Variants in LYPLAL1 observed in about 807,000 individuals in gnomAD.
LYPLAL1 encodes the protein lysophospholipase-like protein 1.
LYPLAL1 carries 23 observed loss-of-function variants against 19.7 expected under a neutral mutation model. The ratio of observed to expected loss-of-function variants is 1.17; its 90% CI spans 0.84 to 1.65. The LOEUF is 1.65. Among genes scored for constraint, LYPLAL1 ranks in the 40% most tolerant of loss-of-function variants. LYPLAL1 has a pLI of 0.00. For synonymous variants in LYPLAL1, 119 were observed against 96.3 expected, an observed-to-expected ratio of 1.24 and a Z score of -1.38; for missense variants, 355 against 279.4, an observed-to-expected ratio of 1.27 and a Z score of -1.93.
the LYPLAL1 span, among the ~76,000 whole-genome samples, chr1:219,395,036 TA>T: frequency 1.3e-5 from 2 of 152,248 alleles, no homozygotes; most frequent in South Asian, 2.1e-4. Flanking sequence ...GAGGGTCATA[TA>T]AACTGATTTA....
At chr1:219,405,172 G>A in the LYPLAL1 span, among the ~76,000 whole-genome samples, 1 of 152,148 alleles carries the variant, frequency 6.6e-6, no homozygotes, top group African/African-American at 2.4e-5. Flanking sequence ...AACAGTTAAA[G>A]GTAAATTCTC....
chr1:219,420,479 G>A, the LYPLAL1 span, among the ~76,000 whole-genome samples: 1 of 152,158 alleles, frequency 6.6e-6, no homozygotes, highest in Non-Finnish European at 1.5e-5. Flanking sequence ...AGTGGTGGAA[G>A]CTGTCCTTGG....
At chr1:219,348,197 A>C in the LYPLAL1 span, among the ~76,000 whole-genome samples, 1 of 152,196 alleles carries the variant, frequency 6.6e-6, no homozygotes, top group Non-Finnish European at 1.5e-5. Context: ...TTTATGTAGA[A>C]GTCAGGCAAA....
the LYPLAL1 span, among the ~76,000 whole-genome samples, chr1:219,219,040 G>A: frequency 5.3e-5 from 8 of 152,246 alleles, no homozygotes; most frequent in African/African-American, 1.9e-4. Flanking sequence ...CAAGTACACG[G>A]ATTCCACTTT....
intron 2 of LYPLAL1, among the ~76,000 whole-genome samples, chr1:219,181,255 G>A (rs1656253799): frequency 6.6e-6 from 1 of 152,030 alleles, no homozygotes; most frequent in South Asian, 2.1e-4. Flanking sequence ...TAATTACACT[G>A]AAATTAAATA....
chr1:219,398,150 A>C, the LYPLAL1 span, among the ~76,000 whole-genome samples: 2 of 152,138 alleles, frequency 1.3e-5, no homozygotes, highest in Non-Finnish European at 2.9e-5. Context: ...TATGTTTTGC[A>C]AGTTGCTTAT....
At position 219,210,641 on chromosome 1, in the gene LYPLAL1, T is replaced by C. The variant is rs1250654136; in HGVS notation, c.471T>C (p.Val157=). 6.9e-6 allele frequency: 11 copies of C among 1,604,178 alleles called. No individual in the cohort carries two copies. Among genetic ancestry groups the C allele is most frequent in the African/African-American group, 1.3e-5 (1 of 74,364 alleles). The change falls in exon 4 of 5, where the codon GTT becomes GTC. Residue 157 remains valine (V), a synonymous_variant. Coordinates refer to ENST00000366928, the MANE Select transcript of LYPLAL1 (RefSeq NM_138794.5). ...GTTTTCTGAATAAAGCATCTGCTGT[T>C]TACCAGGTAAGTTCCAGATTTAAAA... ...LSSFLNKASA[V]YQALQKSNGV...
chr1:219,422,603 T>C, the LYPLAL1 span, among the ~76,000 whole-genome samples: 1 of 152,122 alleles, frequency 6.6e-6, no homozygotes, highest in African/African-American at 2.4e-5. Context: ...CCAACCATTA[T>C]GCAGGAATAA....
the LYPLAL1 span, among the ~76,000 whole-genome samples, chr1:219,321,898 T>A: frequency 6.6e-6 from 1 of 152,198 alleles, no homozygotes; most frequent in Non-Finnish European, 1.5e-5. Flanking sequence ...GCAGCAGTTC[T>A]GAAAATATTT....
chr1:219,315,401 G>GA, the LYPLAL1 span, among the ~76,000 whole-genome samples: 29 of 150,706 alleles, frequency 1.9e-4, no homozygotes, highest in Non-Finnish European at 3.8e-4. Context: ...CTGTTTCTAA[G>GA]AAAAAAAAAC....
chr1:219,350,492 T>C, the LYPLAL1 span, among the ~76,000 whole-genome samples: 2 of 152,358 alleles, frequency 1.3e-5, no homozygotes, highest in East Asian at 3.9e-4. Context: ...TGCCTCCTCC[T>C]TCTGTTCCCA....
At chr1:219,310,162 A>G in the LYPLAL1 span, among the ~76,000 whole-genome samples, 1 of 152,228 alleles carries the variant, frequency 6.6e-6, no homozygotes, top group African/African-American at 2.4e-5. Flanking sequence ...AAGTGAGATT[A>G]TAACACTCCT....
the LYPLAL1 span, among the ~76,000 whole-genome samples, chr1:219,414,874 A>C: frequency 1.3e-5 from 2 of 152,132 alleles, no homozygotes; most frequent in South Asian, 4.1e-4. Context: ...CAAGGGTCCT[A>C]CCGCTATGAA....
chr1:219,371,611 G>T, the LYPLAL1 span, among the ~76,000 whole-genome samples: 11 of 152,272 alleles, frequency 7.2e-5, no homozygotes, highest in Non-Finnish European at 1.3e-4. Context: ...TGTGTAAACA[G>T]ACTGTAACTT....
At chr1:219,444,842 C>T in the LYPLAL1 span, among the ~76,000 whole-genome samples, 7 of 152,146 alleles carry the variant, frequency 4.6e-5, no homozygotes, top group East Asian at 3.8e-4. Flanking sequence ...TCAACAAATA[C>T]GGTAGAAAAT....
the LYPLAL1 span, among the ~76,000 whole-genome samples, chr1:219,262,018 A>G: frequency 6.6e-6 from 1 of 152,012 alleles, no homozygotes; most frequent in African/African-American, 2.4e-5. Flanking sequence ...ATAATCCCAA[A>G]TTTCTCAGAG....
intron 2 of LYPLAL1, among the ~76,000 whole-genome samples, chr1:219,192,782 A>G (rs759140695): frequency 2.0e-5 from 3 of 151,620 alleles, no homozygotes; most frequent in Non-Finnish European, 4.4e-5. Context: ...ATCCCAGAGC[A>G]TGAATATACA....
the LYPLAL1 span, among the ~76,000 whole-genome samples, chr1:219,445,080 A>AC: frequency 6.6e-6 from 1 of 152,002 alleles, no homozygotes; most frequent in Non-Finnish European, 1.5e-5. Context: ...AAAAAAAAAA[A>AC]CAAGGACTTT....
the LYPLAL1 span, among the ~76,000 whole-genome samples, chr1:219,276,064 T>A: frequency 4.5e-5 from 2 of 43,998 alleles, no homozygotes; most frequent in East Asian, 1.7e-3. Flanking sequence ...AATATAAAAA[T>A]AATGTTTACT....
Sources: allele counts gnomAD v4.1 joint callset (sites outside exome capture counted in the v4.1 genomes callset), GRCh38; gene constraint gnomAD v4.1.1; transcripts MANE v1.5; gene names NCBI Gene and HGNC (gene_info 2026-07-23, HGNC 2026-07-21).